Variants in CRPPA observed in about 807,000 individuals in gnomAD.
CRPPA encodes the protein D-ribitol-5-phosphate cytidylyltransferase.
Under a neutral mutation model 52.0 loss-of-function variants are expected in CRPPA, and 43 were observed. The ratio of observed to expected loss-of-function variants is 0.83; its 90% confidence interval spans 0.65 to 1.07. CRPPA has a LOEUF of 1.07. Among genes scored for constraint, CRPPA ranks in the 50% least tolerant of loss-of-function variants. The probability of loss-of-function intolerance (pLI) is 0.00; values close to 1 mark genes in which losing one functional copy is unlikely to be tolerated. For synonymous variants in CRPPA, 250 were observed against 203.5 expected, an observed-to-expected ratio of 1.23 and a Z score of -1.94; for missense variants, 629 against 551.7, an observed-to-expected ratio of 1.14 and a Z score of -1.40.
intron 9 of CRPPA, among the ~76,000 whole-genome samples, chr7:16,150,937 G>C (rs183136346): frequency 6.6e-6 from 1 of 152,266 alleles, no homozygotes; most frequent in Admixed American, 6.5e-5. Context: ...CCATTCATAA[G>C]GGTAGCTTTA....
chr7:16,342,705 G>A (rs1394670307), intron 3 of CRPPA, among the ~76,000 whole-genome samples: 3 of 144,370 alleles, frequency 2.1e-5, no homozygotes, highest in African/African-American at 7.7e-5. Context: ...ACCTCAAGAG[G>A]TGATCTGAGC....
At chr7:16,368,207 G>A (rs1354937691) in intron 3 of CRPPA, among the ~76,000 whole-genome samples, 3 of 152,126 alleles carry the variant, frequency 2.0e-5, no homozygotes, top group Non-Finnish European at 4.4e-5. Context: ...GATTCAATAA[G>A]AATCCACTGG....
chr7:16,285,659 T>A (rs968290311), intron 5 of CRPPA, among the ~76,000 whole-genome samples: 1 of 152,034 alleles, frequency 6.6e-6, no homozygotes, highest in African/African-American at 2.4e-5. Context: ...GAAGCCCAAA[T>A]TTTTCTGTTA....
At position 16,383,637 on chromosome 7, in the gene CRPPA, G is replaced by T. The variant is rs576881023; in HGVS notation, c.535-7396C>A. ...GGCAGGCAGGCCTCCTTGAGCTGTG[G>T]TGGGCTCCACCCAGTTCGAGCTTCC... is the stretch of plus-strand genomic sequence containing the variant. On this transcript the variant is annotated intron_variant, in intron 2 of 9. Coordinates refer to ENST00000407010, the MANE Select transcript of CRPPA (RefSeq NM_001101426.4). Among the ~76,000 whole-genome samples, 519 of 152,362 alleles carry T rather than the reference G, an allele frequency of 3.4e-3. 1 individual carries two copies. The highest frequency in any genetic ancestry group is 5.6e-3 in the Non-Finnish European group (382 of 68,034).
At chr7:16,144,657 G>A (rs1333269790) in intron 9 of CRPPA, among the ~76,000 whole-genome samples, 1 of 152,162 alleles carries the variant, frequency 6.6e-6, no homozygotes, top group Non-Finnish European at 1.5e-5. Context: ...TCTCTACTGG[G>A]TGGGGGGAGT....
intron 8 of CRPPA, among the ~76,000 whole-genome samples, chr7:16,222,653 A>C (rs981283087): frequency 6.6e-6 from 1 of 152,114 alleles, no homozygotes; most frequent in Non-Finnish European, 1.5e-5. Flanking sequence ...AAGTAAATTA[A>C]GTTTTTTAAA....
intron 7 of CRPPA, 107 bp from the exon 8 acceptor site, chr7:16,258,589 T>C: frequency 1.5e-6 from 1 of 651,408 alleles, no homozygotes; most frequent in Non-Finnish European, 2.5e-6. Context: ...AAAATATTTA[T>C]CAAACTTAGT....
chr7:16,178,311 T>C (rs978226066), intron 9 of CRPPA, among the ~76,000 whole-genome samples: 4 of 152,062 alleles, frequency 2.6e-5, no homozygotes, highest in African/African-American at 9.7e-5. Flanking sequence ...CATCTGGAGA[T>C]TGGTAAAAGT....
At chr7:16,127,884 T>A (rs1402963427) in intron 9 of CRPPA, among the ~76,000 whole-genome samples, 3 of 152,218 alleles carry the variant, frequency 2.0e-5, no homozygotes, top group Non-Finnish European at 4.4e-5. Flanking sequence ...TGAATTTTTG[T>A]TGACTGATTA....
At chr7:16,388,401 GC>G (rs143575543) in intron 2 of CRPPA, among the ~76,000 whole-genome samples, 2,336 of 152,238 alleles carry the variant, frequency 0.015, 58 homozygotes, top group African/African-American at 0.049. Flanking sequence ...AGCTAAAGCA[GC>G]CCTTTGAGGA....
chr7:16,309,138 A>C (rs1859418), intron 3 of CRPPA, among the ~76,000 whole-genome samples: 63,597 of 152,032 alleles, frequency 0.42, 14,432 homozygotes, highest in African/African-American at 0.61. Flanking sequence ...AAACATGGAA[A>C]ATTTAGTCTT....
At chr7:16,335,965 T>G (rs1785669576) in intron 3 of CRPPA, among the ~76,000 whole-genome samples, 2 of 152,154 alleles carry the variant, frequency 1.3e-5, no homozygotes, top group Admixed American at 6.5e-5. Context: ...GATAATATAT[T>G]CAAAGTGCTG....
chr7:16,410,963 G>A (rs370641185), intron 1 of CRPPA, among the ~76,000 whole-genome samples: 5 of 152,266 alleles, frequency 3.3e-5, no homozygotes, highest in South Asian at 2.1e-4. Context: ...GCTTATACAC[G>A]TAGAGTCCTA....
chr7:16,391,258 T>C (rs1787436610), intron 2 of CRPPA, among the ~76,000 whole-genome samples: 1 of 152,112 alleles, frequency 6.6e-6, no homozygotes, highest in African/African-American at 2.4e-5. Context: ...TTGCCCAAAA[T>C]CTTGAATGCT....
chr7:16,305,084 A>C (rs1484366251), intron 4 of CRPPA, among the ~76,000 whole-genome samples: 3 of 152,336 alleles, frequency 2.0e-5, no homozygotes, highest in African/African-American at 7.2e-5. Context: ...GTGTAAAACA[A>C]ATACTCTCAT....
intron 9 of CRPPA, among the ~76,000 whole-genome samples, chr7:16,150,933 A>C (rs1283605814): frequency 6.6e-6 from 1 of 152,226 alleles, no homozygotes; most frequent in African/African-American, 2.4e-5. Context: ...TAATCCATTC[A>C]TAAGGGTAGC....
At chr7:16,092,231 AAAGT>A (rs1364605174) in intron 9 of CRPPA, among the ~76,000 whole-genome samples, 2 of 152,180 alleles carry the variant, frequency 1.3e-5, no homozygotes, top group African/African-American at 4.8e-5. Context: ...TGCTGTTTGT[AAAGT>A]AAGAATCGGG....
chr7:16,268,245 T>A (rs1360242428), intron 6 of CRPPA, among the ~76,000 whole-genome samples: 1 of 151,862 alleles, frequency 6.6e-6, no homozygotes, highest in African/African-American at 2.4e-5. Flanking sequence ...CAACCTCCAT[T>A]TTCCACCTAG....
chr7:16,189,204 T>C (rs1040476026), intron 9 of CRPPA, among the ~76,000 whole-genome samples: 4 of 152,214 alleles, frequency 2.6e-5, no homozygotes, highest in African/African-American at 9.6e-5. Context: ...TCAGGCTATC[T>C]TACAACCTTC....
Sources: gnomAD v4.1 joint callset for allele counts (sites outside exome capture counted in the v4.1 genomes callset) on GRCh38, gnomAD v4.1.1 for gene constraint, MANE v1.5 for transcripts, NCBI Gene and HGNC (gene_info 2026-07-23, HGNC 2026-07-21) for gene names.